SOS1: variants seen among roughly 807,000 people sequenced by gnomAD.
SOS1 encodes the protein son of sevenless homolog 1.
In SOS1, 25 loss-of-function variants were observed where a neutral mutation model predicts 157.6. The ratio of observed to expected loss-of-function variants is 0.16; its 90% CI spans 0.12 to 0.22. The LOEUF (loss-of-function observed/expected upper bound fraction) is 0.22. Among genes scored for constraint, SOS1 ranks in the 10% least tolerant of loss-of-function variants. The pLI, the probability that SOS1 is intolerant of heterozygous loss-of-function variation, is 1.00. For synonymous variants in SOS1, 528 were observed against 534.0 expected (o/e 0.99, Z 0.16); for missense variants, 1,237 against 1,599.1 (o/e 0.77, Z 3.86).
chr2:38,987,325 C>T, intron 22 of SOS1, 148 bp downstream of exon 22: 1 of 655,062 alleles, frequency 1.5e-6, no homozygotes, highest in South Asian at 1.7e-5. Flanking sequence ...TTACTGCATG[C>T]TAAATCTATA....
chr2:39,120,507 A>C lies in SOS1; in HGVS notation c.-85T>G, dbSNP rs1673835002. On this transcript the variant is annotated 5_prime_UTR_variant, in exon 1 of 23. Transcript: ENST00000402219. The stretch of plus-strand genomic sequence containing the variant: ...GCGAGAGGGCGAGCTCGCAGCGCGG[A>C]ACAGGGCCGCGGCCCCACCGGACGG... 1 of 1,227,994 alleles carries C rather than the reference A, an allele frequency of 8.1e-7. No individual in the cohort carries two copies. Among genetic ancestry groups the C allele is most frequent in the Non-Finnish European group, 1.0e-6 (1 of 983,356 alleles). 76.1% of individuals were successfully genotyped at this position (1,227,994 alleles called of 1,614,324 possible).
rs55987416 is a variant in SOS1, at chr2:38,987,259, A to G, written c.3510+214T>C. ...TTTTTCTGAAAATAACCATAGCCTT[A>G]GGTTTACAAGGGTCTTGAATGCATA... On this transcript the variant is annotated intron_variant, in intron 22 of 22. Coordinates refer to ENST00000402219, the MANE Select transcript of SOS1 (RefSeq NM_005633.4). 6.3e-3 allele frequency among the ~76,000 whole-genome samples: 954 copies of G among 152,316 alleles called. 2 individuals carry two copies. Among genetic ancestry groups the G allele is most frequent in the Middle Eastern group, 0.02 (6 of 294 alleles).
intron 1 of SOS1, among the ~76,000 whole-genome samples, chr2:39,083,825 T>C (rs948235212): frequency 1.3e-5 from 2 of 152,210 alleles, no homozygotes; most frequent in African/African-American, 4.8e-5. Context: ...AAGGGAATGG[T>C]TGGATACACT....
In SOS1 at chr2:39,094,789, T is replaced by A. The variant is rs184220945; in HGVS notation, c.87+25547A>T. Reference sequence around the variant, plus strand: ...ATTAGCAGTAAAAATTTCTAAGGACTCTTTGTTTGGTTAACTATGAAAAAT... The same window carrying A: ...ATTAGCAGTAAAAATTTCTAAGGACACTTTGTTTGGTTAACTATGAAAAAT... On this transcript the variant is annotated intron_variant, in intron 1 of 22. Transcript: ENST00000402219. Among the ~76,000 whole-genome samples the A allele has an allele frequency of 2.0e-5, 3 of 152,318 alleles. No individual in the cohort carries two copies. The East Asian group carries it at 5.8e-4, about 29-fold the overall frequency.
chr2:39,069,558 ATT>A (rs1256185927), intron 1 of SOS1, among the ~76,000 whole-genome samples: 1 of 151,820 alleles, frequency 6.6e-6, no homozygotes. Flanking sequence ...TTCATTTTTT[ATT>A]TTTTTGAGAC....
rs13033392 is a variant in SOS1 at position 39,022,268 on chromosome 2, C to G, written c.1858+302G>C. On this transcript the variant is annotated intron_variant, in intron 10 of 22. Transcript: ENST00000402219. Reference sequence around the variant, plus strand: ...TAAAGGAGTAAAAAACTTTTTAGATCCCAATAATGATGATTTACTACTAAC... The same window carrying G: ...TAAAGGAGTAAAAAACTTTTTAGATGCCAATAATGATGATTTACTACTAAC... 0.78 allele frequency among the ~76,000 whole-genome samples: 118,806 copies of G among 151,672 alleles called. 49,315 individuals are homozygous for G. Among genetic ancestry groups the G allele is most frequent in the Non-Finnish European group, 0.92 (62,295 of 67,772 alleles).
At chr2:39,117,512 A>G (rs1318270904) in intron 1 of SOS1, among the ~76,000 whole-genome samples, 1 of 152,178 alleles carries the variant, frequency 6.6e-6, no homozygotes, top group African/African-American at 2.4e-5. Context: ...AAGGAGATAA[A>G]AGGTTATGGT....
rs1301036816 is a variant in SOS1, at chr2:39,026,304, G to A, written c.1075-2167C>T. Among the ~76,000 whole-genome samples, 4 of 149,862 alleles carry A rather than the reference G, an allele frequency of 2.7e-5. No individual in the cohort carries two copies. In the East Asian group the frequency reaches 5.9e-4, roughly 22 times the overall value. On this transcript the variant is annotated intron_variant, in intron 8 of 22. Transcript: ENST00000402219. ...CAGGGGTCAGAGGTTGCAGTGAGCC[G>A]TGATCGTGCCACTGCACTCCAGCCT...
In SOS1 at chr2:39,035,251, G is replaced by C. The variant is rs557313301; in HGVS notation, c.1035C>G (p.Ala345=). The part of the protein sequence containing the change: ...VQYVLPRLLL[A]PVYHCLHYFE... ...AGTAATGGAGACAGTGGTAAACAGG[G>C]GCCAGAAGCAGCCTGGGTAAAACAT... The change falls in exon 8 of 23, where the codon GCC becomes GCG. Residue 345 remains alanine, a synonymous_variant. Transcript: ENST00000402219. 2.5e-5 allele frequency: 40 copies of C among 1,613,546 alleles called. No homozygotes were observed. The highest frequency in any genetic ancestry group is 3.2e-5 in the Non-Finnish European group (38 of 1,179,708).
At chr2:39,068,814 A>G (rs1345373340) in intron 1 of SOS1, among the ~76,000 whole-genome samples, 1 of 152,138 alleles carries the variant, frequency 6.6e-6, no homozygotes, top group East Asian at 1.9e-4. Flanking sequence ...AATAAACAGC[A>G]TGATAGTCTT....
At position 39,119,274 on chromosome 2, in the gene SOS1, C is replaced by T. The variant is rs114464642; in HGVS notation, c.87+1062G>A. Among the ~76,000 whole-genome samples, 1,182 of 152,202 alleles carry T rather than the reference C, an allele frequency of 7.8e-3. 14 individuals are homozygous for T. The highest frequency in any genetic ancestry group is 0.027 in the African/African-American group (1,140 of 41,516). ...AAGGGGAAAATGTCCGTAATTTAAG[C>T]CAGAAATATATGAGCAAATTCTCCT... On this transcript the variant is annotated intron_variant, in intron 1 of 22. Coordinates refer to ENST00000402219, the MANE Select transcript of SOS1 (RefSeq NM_005633.4).
intron 20 of SOS1, chr2:38,992,220 A>G (rs10186762): frequency 0.94 from 143,200 of 152,272 alleles, 67,445 homozygotes; most frequent in African/African-American, 0.97. Flanking sequence ...GCATGTGGAG[A>G]AGACCTTTAA....
chr2:39,067,130 C>G (rs550540272), intron 2 of SOS1, among the ~76,000 whole-genome samples: 1 of 152,138 alleles, frequency 6.6e-6, no homozygotes, highest in African/African-American at 2.4e-5. Context: ...CCTGACTCAG[C>G]GTCCTGAGTA....
chr2:39,010,541 A>C lies in SOS1; in HGVS notation c.2510+43T>G, dbSNP rs754191355. On this transcript the variant is annotated intron_variant, in intron 15 of 22. Transcript: ENST00000402219. ...AAAAAATTGCATTGAAATTCATAAC[A>C]TAGCTGACAGCTATAAAATATAAGA... The C allele has an allele frequency of 3.8e-6, 6 of 1,574,348 alleles. No homozygotes were observed. In the South Asian group the frequency reaches 4.4e-5, roughly 12 times the overall value.
intron 10 of SOS1, among the ~76,000 whole-genome samples, chr2:39,021,389 G>A (rs961864997): frequency 6.6e-6 from 1 of 151,402 alleles, no homozygotes; most frequent in Non-Finnish European, 1.5e-5. Context: ...TAGCAATTTA[G>A]AGAAAACTTC....
At chr2:39,067,145 G>C (rs1671614712) in intron 2 of SOS1, among the ~76,000 whole-genome samples, 1 of 151,988 alleles carries the variant, frequency 6.6e-6, no homozygotes, top group Non-Finnish European at 1.5e-5. Flanking sequence ...TGAGTAGCTG[G>C]GACTACAGGC....
At chr2:39,035,635 A>C in intron 6 of SOS1, 135 bp from the exon 7 acceptor site, 1 of 672,420 alleles carries the variant, frequency 1.5e-6, no homozygotes, top group South Asian at 1.7e-5. Context: ...TATGACTACT[A>C]ATTATAATTT....
chr2:39,107,294 G>A (rs1289919575), intron 1 of SOS1, among the ~76,000 whole-genome samples: 1 of 152,024 alleles, frequency 6.6e-6, no homozygotes, highest in East Asian at 1.9e-4. Flanking sequence ...TGTTTGTGTC[G>A]AGGCCAGTTT....
intron 21 of SOS1, among the ~76,000 whole-genome samples, chr2:38,988,689 CA>C (rs1668625022): frequency 2.6e-5 from 4 of 151,916 alleles, no homozygotes; most frequent in African/African-American, 9.7e-5. Context: ...TATGAAAGGA[CA>C]GCAAAAAAAT....
Sources: gnomAD v4.1 joint callset for allele counts (sites outside exome capture counted in the v4.1 genomes callset) on GRCh38, gnomAD v4.1.1 for gene constraint, MANE v1.5 for transcripts, NCBI Gene and HGNC (gene_info 2026-07-23, HGNC 2026-07-21) for gene names.